The following FRMD6 variants were observed in gnomAD, a reference collection of about 807,000 sequenced individuals.
FRMD6 encodes FERM domain-containing protein 6.
FRMD6 carries 37 observed loss-of-function variants against 73.2 expected under a neutral mutation model. The ratio of observed to expected loss-of-function variants is 0.51; its 90% CI spans 0.39 to 0.66. The LOEUF (loss-of-function observed/expected upper bound fraction) is 0.66. Ranked by LOEUF, FRMD6 falls within the 30% of genes least tolerant of loss-of-function variation. The pLI, the probability that FRMD6 is intolerant of heterozygous loss-of-function variation, is 0.00. For synonymous variants in FRMD6, 273 were observed against 282.2 expected, an observed-to-expected ratio of 0.97 and a Z score of 0.33; for missense variants, 714 against 780.5, an observed-to-expected ratio of 0.91 and a Z score of 1.02.
At chr14:51,478,300 T>C in the FRMD6 span, among the ~76,000 whole-genome samples, 7 of 152,358 alleles carry the variant, frequency 4.6e-5, no homozygotes, top group Non-Finnish European at 8.8e-5. Context: ...ATATATTATA[T>C]GCATTTTTTT....
chr14:51,595,686 A>G (rs1594574956), intron 2 of FRMD6, among the ~76,000 whole-genome samples: 1 of 152,178 alleles, frequency 6.6e-6, no homozygotes, highest in Non-Finnish European at 1.5e-5. Flanking sequence ...ATTGAAGATA[A>G]TATTGTAGAT....
the FRMD6 span, among the ~76,000 whole-genome samples, chr14:51,440,676 T>C: frequency 6.6e-6 from 1 of 152,188 alleles, no homozygotes; most frequent in African/African-American, 2.4e-5. Flanking sequence ...AATGTACTTA[T>C]ACTTGCTTAA....
chr14:51,625,525 G>A (rs1042222976), intron 2 of FRMD6, among the ~76,000 whole-genome samples: 1 of 151,966 alleles, frequency 6.6e-6, no homozygotes, highest in African/African-American at 2.4e-5. Flanking sequence ...GCAGGAAGCA[G>A]TACCTGGATA....
At chr14:51,458,121 G>A in the FRMD6 span, among the ~76,000 whole-genome samples, 1 of 152,192 alleles carries the variant, frequency 6.6e-6, no homozygotes, top group Non-Finnish European at 1.5e-5. Context: ...AAATTCAGTG[G>A]TTCACTCTTT....
At chr14:51,566,192 T>C (rs1215458180) in intron 1 of FRMD6, among the ~76,000 whole-genome samples, 1 of 152,124 alleles carries the variant, frequency 6.6e-6, no homozygotes, top group Non-Finnish European at 1.5e-5. Flanking sequence ...GCTAAAGAAA[T>C]GTATGCATTT....
chr14:51,576,504 CT>C (rs1452510988), intron 2 of FRMD6, among the ~76,000 whole-genome samples: 1 of 152,132 alleles, frequency 6.6e-6, no homozygotes, highest in Non-Finnish European at 1.5e-5. Context: ...AAGCAGAATG[CT>C]TTAAATTTTT....
the FRMD6 span, among the ~76,000 whole-genome samples, chr14:51,467,460 T>C: frequency 0.024 from 3,687 of 152,364 alleles, 159 homozygotes; most frequent in African/African-American, 0.085. Flanking sequence ...CATCATGGCC[T>C]GTTCTCAATG....
intron 3 of FRMD6, among the ~76,000 whole-genome samples, chr14:51,699,031 A>C (rs1212436257): frequency 6.6e-6 from 1 of 152,062 alleles, no homozygotes; most frequent in Non-Finnish European, 1.5e-5. Context: ...AATTGGTTTA[A>C]ATTTCAAGGC....
intron 2 of FRMD6, among the ~76,000 whole-genome samples, chr14:51,615,707 G>A (rs994369203): frequency 6.6e-6 from 1 of 152,140 alleles, no homozygotes; most frequent in Non-Finnish European, 1.5e-5. Context: ...GAGAGGAGGG[G>A]AAAAACAAAG....
At chr14:51,691,021 A>C (rs1023578316) in intron 2 of FRMD6, among the ~76,000 whole-genome samples, 6 of 152,184 alleles carry the variant, frequency 3.9e-5, no homozygotes, top group Admixed American at 2.6e-4. Flanking sequence ...GACCCCTCCT[A>C]GTCAATATCC....
rs1421055117 is a variant in FRMD6, at chr14:51,708,065, T to C, written c.559-13T>C. The C allele has an allele frequency of 6.2e-7, 1 of 1,612,478 alleles. No homozygotes were observed. Among genetic ancestry groups the C allele is most frequent in the Admixed American group, 1.7e-5 (1 of 59,898 alleles). ...AACAAATGTTGCATTGCACACCCCT[T>C]GTATCCCAACAGGTTGTTTCCAAGA... On this transcript the variant is annotated splice_polypyrimidine_tract_variant and intron_variant, in intron 6 of 13. Transcript: ENST00000344768.
chr14:51,600,753 T>C (rs1889991110), intron 2 of FRMD6, among the ~76,000 whole-genome samples: 1 of 152,240 alleles, frequency 6.6e-6, no homozygotes, highest in Admixed American at 6.5e-5. Flanking sequence ...GAAAAATGTT[T>C]TTAAAAGTAC....
In FRMD6 at chr14:51,670,942, C is replaced by T. The variant is rs369701497; in HGVS notation, c.-146-18749C>T. ...GATTACAGGCGTGGGCCACCGTGCC[C>T]GGCGGTTTGTATGTTTTATCATGAA... On this transcript the variant is annotated intron_variant, in intron 1 of 13. Transcript: ENST00000344768. Among the ~76,000 whole-genome samples the T allele has an allele frequency of 1.3e-3, 196 of 152,272 alleles. 1 individual carries two copies. The highest frequency in any genetic ancestry group is 1.5e-3 in the African/African-American group (64 of 41,550).
At chr14:51,567,052 A>G (rs532649785) in intron 1 of FRMD6, among the ~76,000 whole-genome samples, 4 of 152,212 alleles carry the variant, frequency 2.6e-5, no homozygotes, top group Non-Finnish European at 5.9e-5. Context: ...AGGAAGTGGT[A>G]TGGGAGGTGG....
chr14:51,712,029 C>T (rs1226266055), intron 8 of FRMD6, among the ~76,000 whole-genome samples: 1 of 152,152 alleles, frequency 6.6e-6, no homozygotes, highest in Non-Finnish European at 1.5e-5. Context: ...AAACTTACCC[C>T]TTAAATAAGT....
chr14:51,596,206 A>T (rs569916833), intron 2 of FRMD6, among the ~76,000 whole-genome samples: 1 of 151,564 alleles, frequency 6.6e-6, no homozygotes, highest in South Asian at 2.1e-4. Context: ...AGAATGAACT[A>T]TGCAGTTTTT....
At chr14:51,457,422 C>G in the FRMD6 span, among the ~76,000 whole-genome samples, 1 of 152,014 alleles carries the variant, frequency 6.6e-6, no homozygotes, top group African/African-American at 2.4e-5. Context: ...GTTGATGAAG[C>G]ATTTTTATAA....
chr14:51,501,466 G>A (rs1566779794), intron 1 of FRMD6, among the ~76,000 whole-genome samples: 1 of 152,138 alleles, frequency 6.6e-6, no homozygotes, highest in African/African-American at 2.4e-5. Flanking sequence ...AGAACATGCG[G>A]TGTTTGGTTA....
chr14:51,585,884 T>C (rs1888998844), intron 2 of FRMD6, among the ~76,000 whole-genome samples: 1 of 143,310 alleles, frequency 7.0e-6, no homozygotes, highest in Non-Finnish European at 1.5e-5. Context: ...GCAAAAGACA[T>C]TATTTTATTC....
Sources: gnomAD v4.1 joint callset for allele counts (sites outside exome capture counted in the v4.1 genomes callset) on GRCh38, gnomAD v4.1.1 for gene constraint, MANE v1.5 for transcripts, NCBI Gene and HGNC (gene_info 2026-07-23, HGNC 2026-07-21) for gene names.